CAMK2D: variants seen among roughly 807,000 people sequenced by gnomAD.
The protein encoded by CAMK2D is calcium/calmodulin dependent protein kinase II delta, also known as calcium/calmodulin-dependent protein kinase type II subunit delta.
A neutral mutation model predicts 84.0 loss-of-function variants in CAMK2D; 37 were observed. The observed-to-expected ratio is 0.44, with a 90% CI of 0.34 to 0.58. The LOEUF (loss-of-function observed/expected upper bound fraction) is 0.58, where lower values mean the gene tolerates loss of function less well. CAMK2D is among the 20% of genes least tolerant of loss of function. The probability of loss-of-function intolerance (pLI) is 0.02; values close to 1 mark genes in which losing one functional copy is unlikely to be tolerated. For synonymous variants in CAMK2D, 202 were observed against 212.5 expected (o/e 0.95, Z 0.43); for missense variants, 448 against 652.5 (o/e 0.69, Z 3.41).
intron 2 of CAMK2D, among the ~76,000 whole-genome samples, chr4:113,736,640 G>A (rs899119618): frequency 6.6e-6 from 1 of 152,090 alleles, no homozygotes; most frequent in African/African-American, 2.4e-5. Flanking sequence ...CCATATCACT[G>A]CAATGCAATG....
At chr4:113,724,462 A>G (rs532515147) in intron 2 of CAMK2D, among the ~76,000 whole-genome samples, 1 of 151,906 alleles carries the variant, frequency 6.6e-6, no homozygotes, top group East Asian at 1.9e-4. Flanking sequence ...CAATTAATCT[A>G]TTAAAATATG....
At chr4:113,652,522 T>C (rs1352970360) in intron 3 of CAMK2D, among the ~76,000 whole-genome samples, 3 of 152,136 alleles carry the variant, frequency 2.0e-5, no homozygotes, top group African/African-American at 7.2e-5. Flanking sequence ...TCCCCAACTA[T>C]CTTCTGGGCT....
At chr4:113,719,100 T>A (rs1375380110) in intron 2 of CAMK2D, among the ~76,000 whole-genome samples, 1 of 152,212 alleles carries the variant, frequency 6.6e-6, no homozygotes, top group African/African-American at 2.4e-5. Flanking sequence ...TATGTGATTA[T>A]TTATATAGCT....
intron 2 of CAMK2D, among the ~76,000 whole-genome samples, chr4:113,710,556 T>C (rs2099489076): frequency 6.6e-6 from 1 of 152,068 alleles, no homozygotes; most frequent in Non-Finnish European, 1.5e-5. Context: ...ACATTGAAAA[T>C]AAAGGGATGA....
Position 113,761,717 on chromosome 4 carries a change from A to G in CAMK2D, c.-649T>C, listed in dbSNP as rs1052332143. 1.1e-6 allele frequency: 1 copy of G among 918,746 alleles called. No homozygotes were observed. The highest frequency in any genetic ancestry group is 1.3e-6 in the Non-Finnish European group (1 of 769,308). The allele number at this position is 918,746 out of a possible 1,614,324, so 56.9% of individuals were successfully genotyped here. On this transcript the variant is annotated 5_prime_UTR_variant, in exon 1 of 21. Coordinates refer to ENST00000511664, the MANE Select transcript of CAMK2D (RefSeq NM_001321571.2). ...GCTGCTCACGAGCCCGCGCGGCTTC[A>G]AGACGGCGCGGCGAGAGAAAGAGCG...
At chr4:113,682,304 AT>A (rs769201258) in intron 2 of CAMK2D, among the ~76,000 whole-genome samples, 178 of 152,222 alleles carry the variant, frequency 1.2e-3, no homozygotes, top group Middle Eastern at 3.4e-3. Flanking sequence ...ATAAAAATGT[AT>A]TTTTATATGA....
At chr4:113,722,082 C>T (rs771770388) in intron 2 of CAMK2D, among the ~76,000 whole-genome samples, 1 of 151,988 alleles carries the variant, frequency 6.6e-6, no homozygotes, top group South Asian at 2.1e-4. Context: ...GTTAACCTAC[C>T]GATTGTCAGT....
chr4:113,694,908 T>C (rs1193727267), intron 2 of CAMK2D, among the ~76,000 whole-genome samples: 1 of 152,180 alleles, frequency 6.6e-6, no homozygotes, highest in Non-Finnish European at 1.5e-5. Flanking sequence ...TCAGTACAGG[T>C]ACACAGTGTT....
At chr4:113,723,388 C>A (rs2099536944) in intron 2 of CAMK2D, among the ~76,000 whole-genome samples, 2 of 152,024 alleles carry the variant, frequency 1.3e-5, no homozygotes, top group African/African-American at 2.4e-5. Flanking sequence ...CCATGCCTGG[C>A]TGATTTTTTA....
At chr4:113,664,892 C>T (rs962730406) in intron 2 of CAMK2D, among the ~76,000 whole-genome samples, 13 of 152,032 alleles carry the variant, frequency 8.6e-5, no homozygotes, top group African/African-American at 3.1e-4. Context: ...CAACCTCCAC[C>T]CCCCGGGTTC....
At chr4:113,503,445 C>T (rs769524982) in intron 14 of CAMK2D, 7 of 329,872 alleles carry the variant, frequency 2.1e-5, no homozygotes, top group East Asian at 7.0e-5. Flanking sequence ...TTAATTAATA[C>T]GTAACTGAAT....
chr4:113,514,140 C>A (rs545186106), intron 10 of CAMK2D, among the ~76,000 whole-genome samples: 1 of 152,142 alleles, frequency 6.6e-6, no homozygotes, highest in Non-Finnish European at 1.5e-5. Flanking sequence ...ATGGGCCGGG[C>A]GCGGTGGGTC....
Position 113,493,494 on chromosome 4 carries a change from G to C in CAMK2D, c.1135+6969C>G, listed in dbSNP as rs2097876035. Among the ~76,000 whole-genome samples, 4 of 152,162 alleles carry C rather than the reference G, an allele frequency of 2.6e-5. No homozygotes were observed. In the South Asian group the frequency reaches 6.2e-4, roughly 24 times the overall value. ...CCCCTACTCTCTTCTGGCTTGTAGG[G>C]TTTCTGCCGAGAGATCAGCTGTTAG... is the stretch of plus-strand genomic sequence containing the variant. On this transcript the variant is annotated intron_variant, in intron 16 of 20. Coordinates refer to ENST00000511664, the MANE Select transcript of CAMK2D (RefSeq NM_001321571.2).
At chr4:113,460,596 A>G (rs2097361191) in intron 17 of CAMK2D, among the ~76,000 whole-genome samples, 1 of 151,930 alleles carries the variant, frequency 6.6e-6, no homozygotes. Flanking sequence ...AATGCTCTCC[A>G]AGTCCTATTG....
intron 5 of CAMK2D, 117 bp from the exon 6 acceptor site, chr4:113,547,833 C>T (rs1220083399): frequency 1.8e-6 from 1 of 544,736 alleles, no homozygotes. Context: ...TTGTATTGTA[C>T]CACCTTCAGT....
In CAMK2D at chr4:113,642,720, T is replaced by C. The variant is rs181189725; in HGVS notation, c.220+18993A>G. On this transcript the variant is annotated intron_variant, in intron 3 of 20. Transcript: ENST00000511664. ...TGGAAGCTGGTTAGAACAAGGGACATTCTTTTTTTCTTTTTCTTTTTTTTT... is the reference window on the plus strand; with the variant it reads ...TGGAAGCTGGTTAGAACAAGGGACACTCTTTTTTTCTTTTTCTTTTTTTTT... Among the ~76,000 whole-genome samples, 90 of 152,276 alleles carry C rather than the reference T, an allele frequency of 5.9e-4. 3 individuals carry two copies. In the East Asian group the frequency reaches 0.016, roughly 27 times the overall value.
chr4:113,632,079 C>T (rs1480114850), intron 3 of CAMK2D, among the ~76,000 whole-genome samples: 1 of 152,114 alleles, frequency 6.6e-6, no homozygotes, highest in African/African-American at 2.4e-5. Context: ...GCTAACAATA[C>T]TTGCTATCAC....
At chr4:113,513,004 A>G (rs1221191892) in intron 12 of CAMK2D, 3 of 157,032 alleles carry the variant, frequency 1.9e-5, no homozygotes, top group Middle Eastern at 3.1e-3. Flanking sequence ...GAGATCGTAA[A>G]TGAGGGAGTA....
intron 2 of CAMK2D, among the ~76,000 whole-genome samples, chr4:113,718,333 C>T (rs1465046013): frequency 6.6e-6 from 1 of 152,026 alleles, no homozygotes. Context: ...TTGGTCAGGT[C>T]AGAGATGAAA....
Sources: gnomAD v4.1 joint callset for allele counts (sites outside exome capture counted in the v4.1 genomes callset) on GRCh38, gnomAD v4.1.1 for gene constraint, MANE v1.5 for transcripts, NCBI Gene and HGNC (gene_info 2026-07-23, HGNC 2026-07-21) for gene names.